KCNQ1: variants seen among roughly 807,000 people sequenced by gnomAD.
KCNQ1 encodes potassium voltage-gated channel subfamily KQT member 1.
A neutral mutation model predicts 72.4 loss-of-function variants in KCNQ1; 49 were observed. The ratio of observed to expected loss-of-function variants is 0.68; its 90% confidence interval spans 0.54 to 0.86. KCNQ1 has a LOEUF of 0.86. Ranked by LOEUF, KCNQ1 falls within the 40% of genes least tolerant of loss-of-function variation. The pLI is 0.00. For synonymous variants in KCNQ1, 450 were observed against 412.6 expected (o/e 1.09, Z -1.10); for missense variants, 790 against 945.1 (o/e 0.84, Z 2.15).
In KCNQ1 at chr11:2,725,518, G is replaced by A. The variant is rs370992901; in HGVS notation, c.1515-43326G>A. On this transcript the variant is annotated intron_variant, in intron 11 of 15. Transcript: ENST00000155840. The surrounding 1 kb of genome is among the most constrained non-coding windows in gnomAD (Gnocchi z 7.2). Reference sequence around the variant, plus strand: ...CGAGCTACTGATATAGAACCTCTGCGTTTAGCTGTGGTTTAGGAAGTGCAT... The same window carrying A: ...CGAGCTACTGATATAGAACCTCTGCATTTAGCTGTGGTTTAGGAAGTGCAT... Among the ~76,000 whole-genome samples, 11 of 152,202 alleles carry A rather than the reference G, an allele frequency of 7.2e-5. No homozygotes were observed. The highest frequency in any genetic ancestry group is 2.7e-4 in the African/African-American group (11 of 41,452).
In KCNQ1 at chr11:2,679,822, C is replaced by A. The variant is rs1850358467; in HGVS notation, c.1514+17741C>A. On this transcript the variant is annotated intron_variant, in intron 11 of 15. Coordinates refer to ENST00000155840, the MANE Select transcript of KCNQ1 (RefSeq NM_000218.3). This position sits in a 1 kb window ranked among gnomAD's most constrained non-coding sequence, Gnocchi z 4.8. ...TAGAGGAGCACAAGGGGCCAGACTG[C>A]TGCTACTTCTGAATTTTATAGGACA... 1 of 398,476 alleles carries A rather than the reference C, an allele frequency of 2.5e-6. No individual in the cohort carries two copies. Among genetic ancestry groups the A allele is most frequent in the Non-Finnish European group, 4.4e-6 (1 of 226,078 alleles). The allele number at this position is 398,476 out of a possible 1,614,324, so 24.7% of individuals were successfully genotyped here.
chr11:2,734,923 G>T lies in KCNQ1; in HGVS notation c.1515-33921G>T, dbSNP rs1845930058. On this transcript the variant is annotated intron_variant, in intron 11 of 15. Coordinates refer to ENST00000155840, the MANE Select transcript of KCNQ1 (RefSeq NM_000218.3). This position sits in a 1 kb window ranked among gnomAD's most constrained non-coding sequence, Gnocchi z 7.0. ...AGGTGATGTCTCCAGGAGGCTTCTG[G>T]GCCAGCAGCATGTTCCAGTGCGACA... Among the ~76,000 whole-genome samples, 1 of 151,984 alleles carries T rather than the reference G, an allele frequency of 6.6e-6. No individual in the cohort carries two copies.
At chr11:2,754,143 G>T (rs142325417) in intron 11 of KCNQ1, among the ~76,000 whole-genome samples, 1 of 152,352 alleles carries the variant, frequency 6.6e-6, no homozygotes, top group East Asian at 1.9e-4. Context: ...CCAGTAGGAT[G>T]ACTAAAACAA....
intron 10 of KCNQ1, chr11:2,619,531 T>C (rs1054909112): frequency 6.0e-5 from 24 of 398,482 alleles, no homozygotes; most frequent in African/African-American, 8.2e-5. Context: ...AGACATGATA[T>C]ATAATCTTTT....
At position 2,848,635 on chromosome 11, in the gene KCNQ1, C is replaced by G; in HGVS notation, c.*632C>G. On this transcript the variant is annotated 3_prime_UTR_variant, in exon 16 of 16. Transcript: ENST00000155840. ...ACAGTCTCACCATTTCCCCAGGGCA[C>G]GTGGTTGAGTGGGGGGAACGCCCAC... 1 of 452,172 alleles carries G rather than the reference C, an allele frequency of 2.2e-6. No individual in the cohort carries two copies. The highest frequency in any genetic ancestry group is 4.4e-6 in the Non-Finnish European group (1 of 225,176). The allele number at this position is 452,172 out of a possible 1,614,324, so 28.0% of individuals were successfully genotyped here.
chr11:2,784,681 T>G lies in KCNQ1; in HGVS notation c.1794+6644T>G, dbSNP rs56302937. 0.021 allele frequency among the ~76,000 whole-genome samples: 3,241 copies of G among 152,066 alleles called. 40 individuals carry two copies. Among genetic ancestry groups the G allele is most frequent in the Non-Finnish European group, 0.032 (2,143 of 67,800 alleles). On this transcript the variant is annotated intron_variant, in intron 15 of 15. Coordinates refer to ENST00000155840, the MANE Select transcript of KCNQ1 (RefSeq NM_000218.3). This position sits in a 1 kb window ranked among gnomAD's most constrained non-coding sequence, Gnocchi z 4.7. ...AATGAACATGGTATATCCCTCCATTTATTTGATCTACTTTAATTTCTTTCA... is the reference window on the plus strand; with the variant it reads ...AATGAACATGGTATATCCCTCCATTGATTTGATCTACTTTAATTTCTTTCA...
intron 10 of KCNQ1, chr11:2,616,891 T>C: frequency 2.5e-6 from 1 of 398,178 alleles, no homozygotes; most frequent in African/African-American, 2.1e-5. Context: ...GTAGGTCTAG[T>C]TGGTTTATGG....
chr11:2,449,721 T>A (rs937190531), intron 1 of KCNQ1, among the ~76,000 whole-genome samples: 1 of 151,336 alleles, frequency 6.6e-6, no homozygotes, highest in Non-Finnish European at 1.5e-5. Context: ...GTGACAGGGG[T>A]TGCCAGGCAA....
rs982546167 is a variant in KCNQ1 at position 2,815,261 on chromosome 11, A to G, written c.1795-32506A>G. On this transcript the variant is annotated intron_variant, in intron 15 of 15. Transcript: ENST00000155840. This position sits in a 1 kb window ranked among gnomAD's most constrained non-coding sequence, Gnocchi z 5.4. Reference sequence around the variant, plus strand: ...GGGCCTTGGGGGTGTCTAGGCTGCCACCACAGCATCCACACTCCCCACTAG... The same window carrying G: ...GGGCCTTGGGGGTGTCTAGGCTGCCGCCACAGCATCCACACTCCCCACTAG... 6.6e-6 allele frequency among the ~76,000 whole-genome samples: 1 copy of G among 152,060 alleles called. No homozygotes were observed. Among genetic ancestry groups the G allele is most frequent in the Non-Finnish European group, 1.5e-5 (1 of 67,992 alleles).
Position 2,715,127 on chromosome 11 carries a change from A to G in KCNQ1, c.1514+53046A>G, listed in dbSNP as rs1851070451. 6.6e-6 allele frequency among the ~76,000 whole-genome samples: 1 copy of G among 152,016 alleles called. No individual in the cohort carries two copies. Among genetic ancestry groups the G allele is most frequent in the Non-Finnish European group, 1.5e-5 (1 of 67,984 alleles). ...GGATGACCGCAAGTGTCTTGACCCA[A>G]ACATGAGATGCCCCTCACCCATCCT... On this transcript the variant is annotated intron_variant, in intron 11 of 15. Coordinates refer to ENST00000155840, the MANE Select transcript of KCNQ1 (RefSeq NM_000218.3). The surrounding 1 kb of genome is among the most constrained non-coding windows in gnomAD (Gnocchi z 4.9).
At position 2,772,080 on chromosome 11, in the gene KCNQ1, C is replaced by G. The variant is rs1356335256; in HGVS notation, c.1590+3161C>G. Among the ~76,000 whole-genome samples the G allele has an allele frequency of 6.6e-6, 1 of 152,198 alleles. No individual in the cohort carries two copies. Among genetic ancestry groups the G allele is most frequent in the Non-Finnish European group, 1.5e-5 (1 of 68,022 alleles). On this transcript the variant is annotated intron_variant, in intron 12 of 15. Transcript: ENST00000155840. This position sits in a 1 kb window ranked among gnomAD's most constrained non-coding sequence, Gnocchi z 6.6. ...CTCCCTCCGACCTCACCAGCTGGCT[C>G]TTATTGCTGGGAGCAGCATGGAGGG...
intron 1 of KCNQ1, among the ~76,000 whole-genome samples, chr11:2,499,959 C>G (rs1846983554): frequency 6.6e-6 from 1 of 152,116 alleles, no homozygotes; most frequent in Non-Finnish European, 1.5e-5. Context: ...AATTGAAATA[C>G]TATCAAGCAT....
At chr11:2,822,376 G>A (rs565714564) in intron 15 of KCNQ1, among the ~76,000 whole-genome samples, 38 of 152,286 alleles carry the variant, frequency 2.5e-4, no homozygotes, top group African/African-American at 9.1e-4. Flanking sequence ...AAGATGGACT[G>A]GACCCTACCC....
rs1199551928 is a variant in KCNQ1, at chr11:2,658,450, C to G, written c.1394-3511C>G. On this transcript the variant is annotated intron_variant, in intron 10 of 15. Coordinates refer to ENST00000155840, the MANE Select transcript of KCNQ1 (RefSeq NM_000218.3). The surrounding 1 kb of genome is among the most constrained non-coding windows in gnomAD (Gnocchi z 4.9). ...GTGGCCACTGGTGGGTTCATGTGTC[C>G]TTTTGATGTGCCCCCCGCCATCCTT... is the stretch of plus-strand genomic sequence containing the variant. 2.5e-6 allele frequency: 1 copy of G among 398,370 alleles called. No individual in the cohort carries two copies. Among genetic ancestry groups the G allele is most frequent in the Non-Finnish European group, 4.4e-6 (1 of 226,046 alleles). 24.7% of individuals were successfully genotyped at this position (398,370 alleles called of 1,614,324 possible).
chr11:2,672,838 G>C (rs970110177), intron 11 of KCNQ1: 7 of 398,674 alleles, frequency 1.8e-5, no homozygotes, highest in Non-Finnish European at 2.7e-5. Flanking sequence ...TCTGGGTTCT[G>C]CCTGGGCATT....
chr11:2,580,517 G>T (rs919923110), intron 6 of KCNQ1, among the ~76,000 whole-genome samples: 4 of 152,180 alleles, frequency 2.6e-5, no homozygotes, highest in Admixed American at 6.5e-5. Context: ...CTCCCCAGAG[G>T]ACGGGGATCC....
Position 2,769,753 on chromosome 11 carries a change from G to T in KCNQ1, c.1590+834G>T, listed in dbSNP as rs1846560050. Reference sequence around the variant, plus strand: ...GGGGGTGACTTGCCTGAGTCCCTTGGAGCGGGGGGCGTGTGACGTGCTTGA... The same window carrying T: ...GGGGGTGACTTGCCTGAGTCCCTTGTAGCGGGGGGCGTGTGACGTGCTTGA... On this transcript the variant is annotated intron_variant, in intron 12 of 15. Coordinates refer to ENST00000155840, the MANE Select transcript of KCNQ1 (RefSeq NM_000218.3). This position sits in a 1 kb window ranked among gnomAD's most constrained non-coding sequence, Gnocchi z 4.6. Among the ~76,000 whole-genome samples the T allele has an allele frequency of 6.6e-6, 1 of 152,156 alleles. No homozygotes were observed. The highest frequency in any genetic ancestry group is 2.1e-4 in the South Asian group (1 of 4,834).
intron 10 of KCNQ1, chr11:2,631,744 C>G (rs1462805259): frequency 5.0e-6 from 2 of 398,520 alleles, no homozygotes; most frequent in Admixed American, 8.8e-5. Context: ...ATGGAATACT[C>G]TTCTTGCAGC....
At chr11:2,510,180 G>C (rs1847175453) in intron 1 of KCNQ1, among the ~76,000 whole-genome samples, 1 of 152,088 alleles carries the variant, frequency 6.6e-6, no homozygotes, top group Non-Finnish European at 1.5e-5. Flanking sequence ...TCGGGAGGCT[G>C]AGGTAGGAGC....
Sources: gnomAD v4.1 joint callset for allele counts (sites outside exome capture counted in the v4.1 genomes callset) on GRCh38, gnomAD v4.1.1 for gene constraint, Gnocchi (gnomAD v3.1) non-coding constraint, MANE v1.5 for transcripts, NCBI Gene and HGNC (gene_info 2026-07-23, HGNC 2026-07-21) for gene names.